The following CTNNA3 variants were observed in gnomAD, a reference collection of about 807,000 sequenced individuals.
The protein encoded by CTNNA3 is catenin alpha 3.
CTNNA3 carries 76 observed loss-of-function variants against 95.7 expected under a neutral mutation model. That is an observed-to-expected ratio of 0.79 (90% CI 0.66 to 0.96). The LOEUF (loss-of-function observed/expected upper bound fraction) is 0.96. Ranked by LOEUF, CTNNA3 falls within the 40% of genes least tolerant of loss-of-function variation. The pLI is 0.00. For synonymous variants in CTNNA3, 431 were observed against 374.4 expected (o/e 1.15, Z -1.74); for missense variants, 1,191 against 1,089.8 (o/e 1.09, Z -1.31).
Position 66,980,333 on chromosome 10 carries a change from C to T in CTNNA3, c.1047+199984G>A, listed in dbSNP as rs151246483. ...TTCTTTCAGCAGCCAAACACTAGGG[C>T]GAGGAAATGCTTACTGTCTGCTTGC... On this transcript the variant is annotated intron_variant, in intron 7 of 17. Transcript: ENST00000433211. Among the ~76,000 whole-genome samples, 12 of 152,202 alleles carry T rather than the reference C, an allele frequency of 7.9e-5. No homozygotes were observed. The East Asian group carries it at 1.9e-3, about 25-fold the overall frequency.
intron 7 of CTNNA3, among the ~76,000 whole-genome samples, chr10:66,845,957 C>T (rs1424797841): frequency 1.3e-5 from 2 of 151,710 alleles, no homozygotes; most frequent in Non-Finnish European, 2.9e-5. Context: ...ATGGTGAAAC[C>T]CTGTCTCTAC....
intron 10 of CTNNA3, among the ~76,000 whole-genome samples, chr10:66,539,198 T>C (rs1841762211): frequency 6.6e-6 from 1 of 152,062 alleles, no homozygotes; most frequent in Non-Finnish European, 1.5e-5. Context: ...GACACTTTTG[T>C]TTTTCCAAAG....
At chr10:67,545,361 T>A (rs1411439388) in intron 3 of CTNNA3, among the ~76,000 whole-genome samples, 1 of 152,122 alleles carries the variant, frequency 6.6e-6, no homozygotes, top group East Asian at 1.9e-4. Flanking sequence ...GTATGTAAAA[T>A]ATACTGAAGA....
intron 5 of CTNNA3, among the ~76,000 whole-genome samples, chr10:67,490,450 A>G (rs377365464): frequency 2.6e-5 from 4 of 152,326 alleles, no homozygotes; most frequent in Admixed American, 6.5e-5. Flanking sequence ...CTGTCAGCAT[A>G]ACTAGAAAAG....
At chr10:67,270,804 C>T (rs780711701) in intron 5 of CTNNA3, among the ~76,000 whole-genome samples, 2 of 152,054 alleles carry the variant, frequency 1.3e-5, no homozygotes, top group Non-Finnish European at 2.9e-5. Flanking sequence ...ATATGTGACG[C>T]TAATTCGTAA....
chr10:67,514,178 T>C (rs1478384357), intron 5 of CTNNA3, among the ~76,000 whole-genome samples: 1 of 152,100 alleles, frequency 6.6e-6, no homozygotes, highest in Non-Finnish European at 1.5e-5. Flanking sequence ...TGGATGCCTG[T>C]AATTCCAGCT....
chr10:66,483,056 T>C (rs1839596768), intron 11 of CTNNA3, among the ~76,000 whole-genome samples: 1 of 152,210 alleles, frequency 6.6e-6, no homozygotes, highest in African/African-American at 2.4e-5. Flanking sequence ...GAGACAGCAC[T>C]GTCAGAAACA....
chr10:66,495,680 T>A (rs1840075927), intron 11 of CTNNA3, among the ~76,000 whole-genome samples: 1 of 152,018 alleles, frequency 6.6e-6, no homozygotes, highest in African/African-American at 2.4e-5. Context: ...GAGACAGAGT[T>A]TCACTCACTC....
chr10:66,075,576 A>C (rs916696236), intron 14 of CTNNA3, among the ~76,000 whole-genome samples: 1 of 151,880 alleles, frequency 6.6e-6, no homozygotes, highest in Non-Finnish European at 1.5e-5. Flanking sequence ...TAAAATATTC[A>C]TGTAGCCTAC....
At chr10:67,328,366 G>C (rs1589170774) in intron 5 of CTNNA3, among the ~76,000 whole-genome samples, 1 of 152,140 alleles carries the variant, frequency 6.6e-6, no homozygotes, top group African/African-American at 2.4e-5. Context: ...GCAGACCAAG[G>C]GGTTCTCAGG....
rs531705937 is a variant in CTNNA3 at position 66,824,319 on chromosome 10, C to T, written c.1048-48795G>A. Among the ~76,000 whole-genome samples, 14 of 152,216 alleles carry T rather than the reference C, an allele frequency of 9.2e-5. No homozygotes were observed. In the East Asian group the frequency reaches 1.2e-3, roughly 13 times the overall value. ...CAAAGCCATGTGCTGATTCAAGTCA[C>T]GGACTAGGATACAGCTAAGCATTTT... is the stretch of plus-strand genomic sequence containing the variant. On this transcript the variant is annotated intron_variant, in intron 7 of 17. Transcript: ENST00000433211.
intron 11 of CTNNA3, among the ~76,000 whole-genome samples, chr10:66,434,487 T>C (rs2093322639): frequency 6.6e-6 from 1 of 152,172 alleles, no homozygotes; most frequent in Non-Finnish European, 1.5e-5. Flanking sequence ...TTTTTGCACA[T>C]TGATTTTGTA....
chr10:66,111,750 A>T (rs1023003345), intron 13 of CTNNA3, among the ~76,000 whole-genome samples: 1 of 152,180 alleles, frequency 6.6e-6, no homozygotes, highest in African/African-American at 2.4e-5. Context: ...GCACCTGAGG[A>T]AAAACTGGGA....
At position 67,016,931 on chromosome 10, in the gene CTNNA3, G is replaced by A. The variant is rs72804685; in HGVS notation, c.1047+163386C>T. On this transcript the variant is annotated intron_variant, in intron 7 of 17. Transcript: ENST00000433211. Reference sequence around the variant, plus strand: ...TCAAAATAAGTTTTACCATCAAAATGTCTGGTTCAAAATAGGGGATTTCTA... The same window carrying A: ...TCAAAATAAGTTTTACCATCAAAATATCTGGTTCAAAATAGGGGATTTCTA... 7.1e-3 allele frequency among the ~76,000 whole-genome samples: 1,081 copies of A among 152,218 alleles called. 13 individuals carry two copies. The highest frequency in any genetic ancestry group is 6.8e-3 in the Middle Eastern group (2 of 294).
chr10:66,850,590 AT>A (rs541949325), intron 7 of CTNNA3, among the ~76,000 whole-genome samples: 1 of 151,972 alleles, frequency 6.6e-6, no homozygotes, highest in Non-Finnish European at 1.5e-5. Flanking sequence ...TGTATCCTAT[AT>A]GATTTTTTTA....
intron 1 of CTNNA3, among the ~76,000 whole-genome samples, chr10:67,729,597 A>G (rs1461080381): frequency 6.6e-6 from 1 of 152,132 alleles, no homozygotes; most frequent in Non-Finnish European, 1.5e-5. Flanking sequence ...AACTATCTAC[A>G]AAGTTGTTCA....
chr10:67,533,622 G>A (rs1008692573), intron 4 of CTNNA3, among the ~76,000 whole-genome samples: 10 of 151,984 alleles, frequency 6.6e-5, no homozygotes, highest in African/African-American at 9.7e-5. Context: ...AACTAGACAC[G>A]TTTAAAAGTG....
intron 13 of CTNNA3, among the ~76,000 whole-genome samples, chr10:66,216,527 G>T (rs2088549454): frequency 6.6e-6 from 1 of 152,088 alleles, no homozygotes; most frequent in Non-Finnish European, 1.5e-5. Flanking sequence ...CAGCATAAAA[G>T]GTTTTTGTTT....
At chr10:66,971,290 G>A (rs1320882636) in intron 7 of CTNNA3, among the ~76,000 whole-genome samples, 1 of 152,064 alleles carries the variant, frequency 6.6e-6, no homozygotes, top group East Asian at 1.9e-4. Context: ...GCTGGGCATG[G>A]TTGTGTGAGC....
Sources: allele counts gnomAD v4.1 joint callset (sites outside exome capture counted in the v4.1 genomes callset), GRCh38; gene constraint gnomAD v4.1.1; transcripts MANE v1.5; gene names NCBI Gene and HGNC (gene_info 2026-07-23, HGNC 2026-07-21).